Variants in EFCAB10 observed in about 807,000 individuals in gnomAD.
The protein encoded by EFCAB10 is EF-hand calcium binding domain 10.
In EFCAB10, 7 loss-of-function variants were observed where a neutral mutation model predicts 7.7. The observed-to-expected ratio is 0.91, with a 90% CI of 0.52 to 1.72. The LOEUF (loss-of-function observed/expected upper bound fraction) is 1.72. Among genes scored for constraint, EFCAB10 ranks in the 40% most tolerant of loss-of-function variants. The probability of loss-of-function intolerance (pLI) is 0.00; values close to 1 mark genes in which losing one functional copy is unlikely to be tolerated. For missense variants in EFCAB10, 112 were observed against 61.5 expected (o/e 1.82, Z -2.74); for synonymous variants, 52 against 21.0 (o/e 2.47, Z -4.03).
intron 3 of EFCAB10, among the ~76,000 whole-genome samples, chr7:105,568,409 T>A (rs567040977): frequency 3.3e-5 from 5 of 152,228 alleles, no homozygotes; most frequent in Non-Finnish European, 7.3e-5. Context: ...AGTGGGTTAG[T>A]ACTTTTAATC....
chr7:105,569,428 A>T lies in EFCAB10; in HGVS notation c.250T>A (p.Ser84Thr), dbSNP rs139862862. ...MMDSSGRGTI[S>T]FVQYKEALKT... ...TGACCTTCTTTATACTGCACAAATG[A>T]TATGGTGCCTCTGCCTGAGGAGTCC... The change falls in exon 2 of 5, where the codon TCA (serine) becomes ACA (threonine). Residue 84 changes from serine (S) to threonine (T), a missense_variant. Ser to Thr is a moderately conservative substitution (Grantham distance 58). Coordinates refer to ENST00000480514, the MANE Select transcript of EFCAB10 (RefSeq NM_001355526.2). 2.1e-3 allele frequency: 1,483 copies of T among 702,616 alleles called. 5 individuals carry two copies. The highest frequency in any genetic ancestry group is 2.9e-3 in the Non-Finnish European group (1,100 of 384,932). 43.5% of individuals were successfully genotyped at this position (702,616 alleles called of 1,614,324 possible).
At chr7:105,571,288 GTTAAGCAAAC>G (rs989536009) in intron 1 of EFCAB10, 6 of 152,158 alleles carry the variant, frequency 3.9e-5, no homozygotes, top group African/African-American at 1.4e-4. Flanking sequence ...GACTGAAAAG[GTTAAGCAAAC>G]TTTCCACTCA....
intron 1 of EFCAB10, chr7:105,572,478 G>A (rs1791975318): frequency 6.6e-6 from 1 of 152,184 alleles, no homozygotes; most frequent in Non-Finnish European, 1.5e-5. Context: ...TGTGAATAGT[G>A]CTGCGATGAA....
At chr7:105,575,159 T>C (rs1001271394) in intron 1 of EFCAB10, among the ~76,000 whole-genome samples, 1 of 151,088 alleles carries the variant, frequency 6.6e-6, no homozygotes, top group South Asian at 2.1e-4. Flanking sequence ...TTGAGACTTA[T>C]TCACTATCAC....
intron 1 of EFCAB10, among the ~76,000 whole-genome samples, chr7:105,576,488 G>A (rs1320254367): frequency 1.3e-5 from 2 of 152,028 alleles, no homozygotes; most frequent in African/African-American, 4.8e-5. Flanking sequence ...TGTTGCCCAG[G>A]CTGGAGTGCA....
At chr7:105,570,256 T>A (rs1586284657) in intron 1 of EFCAB10, among the ~76,000 whole-genome samples, 4 of 94,634 alleles carry the variant, frequency 4.2e-5, no homozygotes, top group East Asian at 2.8e-4. Context: ...TATATATATA[T>A]ATATATATAT....
chr7:105,580,178 G>T (rs1027576249), intron 1 of EFCAB10, among the ~76,000 whole-genome samples: 1 of 151,972 alleles, frequency 6.6e-6, no homozygotes, highest in Non-Finnish European at 1.5e-5. Context: ...ATAGAGATGG[G>T]GTTTTGCCAT....
Position 105,565,433 on chromosome 7 carries a change from G to A in EFCAB10, c.*14C>T, listed in dbSNP as rs1424675748. ...TTTTCTGGCAAATGCTTGTAGAGAA[G>A]CTGGATGTATACATCTACCAAGAAG... is the stretch of plus-strand genomic sequence containing the variant. On this transcript the variant is annotated 3_prime_UTR_variant, in exon 5 of 5. Coordinates refer to ENST00000480514, the MANE Select transcript of EFCAB10 (RefSeq NM_001355526.2). 1 of 1,614,142 alleles carries A rather than the reference G, an allele frequency of 6.2e-7. No individual in the cohort carries two copies. Among genetic ancestry groups the A allele is most frequent in the Non-Finnish European group, 8.5e-7 (1 of 1,180,008 alleles).
chr7:105,576,672 C>T (rs917174593), intron 1 of EFCAB10, among the ~76,000 whole-genome samples: 1 of 152,088 alleles, frequency 6.6e-6, no homozygotes, highest in African/African-American at 2.4e-5. Flanking sequence ...CCTCGATATC[C>T]TGACCTCGTG....
At chr7:105,575,643 C>A (rs1369935202) in intron 1 of EFCAB10, among the ~76,000 whole-genome samples, 2 of 152,160 alleles carry the variant, frequency 1.3e-5, no homozygotes, top group Non-Finnish European at 2.9e-5. Context: ...GGACTGCGTA[C>A]CTGTTTCCTC....
chr7:105,578,721 G>T (rs924565430), intron 1 of EFCAB10, among the ~76,000 whole-genome samples: 5 of 152,098 alleles, frequency 3.3e-5, no homozygotes, highest in Admixed American at 3.3e-4. Context: ...AGACAATGGG[G>T]CAATGCCTTA....
intron 1 of EFCAB10, among the ~76,000 whole-genome samples, chr7:105,580,331 C>T (rs1219845070): frequency 3.9e-5 from 6 of 151,990 alleles, no homozygotes; most frequent in African/African-American, 9.7e-5. Context: ...CTACCACACC[C>T]GGCTAATTTT....
intron 1 of EFCAB10, chr7:105,573,636 G>A (rs1792000868): frequency 6.6e-6 from 1 of 152,164 alleles, no homozygotes; most frequent in Admixed American, 6.6e-5. Context: ...AATGTCAGCT[G>A]ATATTAAAAA....
intron 4 of EFCAB10, 68 bp downstream of exon 4, chr7:105,567,399 T>A: frequency 1.1e-6 from 1 of 913,182 alleles, no homozygotes; most frequent in Non-Finnish European, 1.7e-6. Flanking sequence ...AATTCTGAAT[T>A]AATGAAACTG....
At chr7:105,565,699 G>A (rs1791696863) in intron 4 of EFCAB10, 8 of 1,233,600 alleles carry the variant, frequency 6.5e-6, no homozygotes, top group Non-Finnish European at 9.4e-6. Context: ...TGTTACAGGA[G>A]GCTAACTCCT....
chr7:105,580,889 A>G (rs896482665), intron 1 of EFCAB10, among the ~76,000 whole-genome samples: 5 of 152,118 alleles, frequency 3.3e-5, no homozygotes, highest in Non-Finnish European at 7.4e-5. Context: ...CCTCTAGAAC[A>G]TCTTCTATCC....
chr7:105,574,541 GAGGCGCGAT>G (rs567264256), intron 1 of EFCAB10, among the ~76,000 whole-genome samples: 58 of 151,888 alleles, frequency 3.8e-4, no homozygotes, highest in African/African-American at 1.3e-3. Flanking sequence ...CTGGAGTGCA[GAGGCGCGAT>G]CTTGGCTCAC....
At chr7:105,568,222 A>G (rs1295384739) in intron 3 of EFCAB10, among the ~76,000 whole-genome samples, 2 of 152,202 alleles carry the variant, frequency 1.3e-5, no homozygotes, top group Non-Finnish European at 2.9e-5. Flanking sequence ...CTTATGAGAC[A>G]AAAGTCTCAA....
intron 1 of EFCAB10, among the ~76,000 whole-genome samples, chr7:105,576,089 G>A (rs539124544): frequency 1.5e-4 from 23 of 152,260 alleles, no homozygotes; most frequent in Middle Eastern, 3.4e-3. Context: ...TAAAGCTAGT[G>A]TGTCTTTCTA....
Sources: allele counts gnomAD v4.1 joint callset (sites outside exome capture counted in the v4.1 genomes callset), GRCh38; gene constraint gnomAD v4.1.1; transcripts MANE v1.5; gene names NCBI Gene and HGNC (gene_info 2026-07-23, HGNC 2026-07-21).